The following MLLT10 variants were observed in gnomAD, a reference collection of about 807,000 sequenced individuals.
MLLT10 encodes protein AF-10.
Under a neutral mutation model 129.1 loss-of-function variants are expected in MLLT10, and 30 were observed. The observed-to-expected ratio is 0.23, with a 90% CI of 0.17 to 0.32. The LOEUF (loss-of-function observed/expected upper bound fraction) is 0.32, where lower values mean the gene tolerates loss of function less well. Among genes scored for constraint, MLLT10 ranks in the 10% least tolerant of loss-of-function variants. The pLI is 1.00. For synonymous variants in MLLT10, 490 were observed against 446.4 expected (o/e 1.10, Z -1.23); for missense variants, 1,119 against 1,268.3 (o/e 0.88, Z 1.79).
In MLLT10 at chr10:21,658,421, G is replaced by T. The variant is rs536388431; in HGVS notation, c.795+6653G>T. Among the ~76,000 whole-genome samples the T allele has an allele frequency of 1.6e-4, 25 of 152,164 alleles. No individual in the cohort carries two copies. In the South Asian group the frequency reaches 4.8e-3, roughly 29 times the overall value. On this transcript the variant is annotated intron_variant, in intron 9 of 22. Transcript: ENST00000307729. The stretch of plus-strand genomic sequence containing the variant: ...CATAATTATTTTAAGATTTTTTCTT[G>T]TTGTATGTTTTAATAGTTCATTTTT...
At chr10:21,720,563 A>C (rs959605443) in intron 14 of MLLT10, among the ~76,000 whole-genome samples, 1 of 152,244 alleles carries the variant, frequency 6.6e-6, no homozygotes, top group African/African-American at 2.4e-5. Flanking sequence ...CCAAATTCAA[A>C]CAATAATATA....
chr10:21,575,145 CT>C (rs1430254354), intron 3 of MLLT10, among the ~76,000 whole-genome samples: 6 of 151,924 alleles, frequency 3.9e-5, no homozygotes, highest in Admixed American at 2.0e-4. Context: ...TTACTTTACT[CT>C]TTTATATATA....
intron 5 of MLLT10, among the ~76,000 whole-genome samples, chr10:21,612,127 GC>G (rs1445681634): frequency 2.6e-5 from 4 of 152,040 alleles, no homozygotes; most frequent in Admixed American, 1.3e-4. Flanking sequence ...TGAAGATAAT[GC>G]CTTTGTGAAT....
At chr10:21,690,640 A>AT (rs1328661744) in intron 13 of MLLT10, among the ~76,000 whole-genome samples, 2 of 151,448 alleles carry the variant, frequency 1.3e-5, no homozygotes, top group African/African-American at 4.8e-5. Flanking sequence ...CTCCTCTTGT[A>AT]TTTTTTTGTC....
chr10:21,551,836 C>T (rs773058615), intron 3 of MLLT10: 11 of 413,780 alleles, frequency 2.7e-5, no homozygotes, highest in South Asian at 1.7e-4. Context: ...GCTCTGTTGC[C>T]CAGGCTAAAG....
chr10:21,548,397 G>A (rs1338284169), intron 3 of MLLT10, among the ~76,000 whole-genome samples: 1 of 145,204 alleles, frequency 6.9e-6, no homozygotes. Flanking sequence ...TTTTTGAGAC[G>A]GAGCCTCTGT....
intron 22 of MLLT10, among the ~76,000 whole-genome samples, chr10:21,740,788 A>G (rs1039458146): frequency 2.6e-5 from 4 of 152,228 alleles, no homozygotes; most frequent in African/African-American, 7.2e-5. Context: ...TTAAAAATGG[A>G]TGCAGGAACA....
intron 16 of MLLT10, among the ~76,000 whole-genome samples, chr10:21,730,096 C>G (rs574788044): frequency 6.6e-6 from 1 of 151,866 alleles, no homozygotes; most frequent in African/African-American, 2.4e-5. Context: ...GGTGAAACTC[C>G]GTCTCCCCTG....
At chr10:21,713,485 A>ATTCT (rs2056290333) in intron 13 of MLLT10, among the ~76,000 whole-genome samples, 1 of 152,272 alleles carries the variant, frequency 6.6e-6, no homozygotes. Flanking sequence ...TGCTCTTAGA[A>ATTCT]ACTCCTAAAA....
intron 22 of MLLT10, among the ~76,000 whole-genome samples, chr10:21,741,712 A>G (rs530333299): frequency 1.6e-4 from 24 of 152,322 alleles, no homozygotes; most frequent in African/African-American, 5.8e-4. Context: ...TCTGTCCCTC[A>G]GATGGGCCCA....
At chr10:21,620,180 G>A (rs986707745) in intron 8 of MLLT10, among the ~76,000 whole-genome samples, 1 of 151,884 alleles carries the variant, frequency 6.6e-6, no homozygotes, top group Non-Finnish European at 1.5e-5. Flanking sequence ...CACCTGCCTC[G>A]GCCTCCCAAA....
chr10:21,553,356 C>T (rs1032503520), intron 3 of MLLT10, among the ~76,000 whole-genome samples: 3 of 148,670 alleles, frequency 2.0e-5, no homozygotes, highest in Admixed American at 2.0e-4. Flanking sequence ...GAAGGAGTCT[C>T]ACTCTGTCAC....
intron 5 of MLLT10, among the ~76,000 whole-genome samples, chr10:21,606,888 A>G (rs913754347): frequency 2.0e-5 from 3 of 152,242 alleles, no homozygotes; most frequent in African/African-American, 7.2e-5. Context: ...GTTTTACTGT[A>G]GGTAAAATGC....
At chr10:21,579,260 G>T (rs1217473342) in intron 3 of MLLT10, among the ~76,000 whole-genome samples, 5 of 152,108 alleles carry the variant, frequency 3.3e-5, no homozygotes, top group Non-Finnish European at 7.4e-5. Flanking sequence ...TCTGTGTAAT[G>T]TGACATTTTC....
intron 8 of MLLT10, among the ~76,000 whole-genome samples, chr10:21,649,136 TATG>T (rs1589426004): frequency 6.6e-6 from 1 of 152,196 alleles, no homozygotes; most frequent in African/African-American, 2.4e-5. Context: ...AGTGCAGTGG[TATG>T]ATCACAGTTC....
At chr10:21,663,195 G>A (rs1261269362) in intron 9 of MLLT10, among the ~76,000 whole-genome samples, 4 of 152,170 alleles carry the variant, frequency 2.6e-5, no homozygotes, top group African/African-American at 7.2e-5. Context: ...AAAAGTGTGA[G>A]GGTCCCCCAA....
At chr10:21,717,519 A>ACCTCCTCCTCCT (rs1180960349) in intron 14 of MLLT10, among the ~76,000 whole-genome samples, 2 of 75,274 alleles carry the variant, frequency 2.7e-5, no homozygotes, top group African/African-American at 1.1e-4. Flanking sequence ...CTCCTCCACC[A>ACCTCCTCCTCCT]CCTCCTCCTC....
intron 8 of MLLT10, among the ~76,000 whole-genome samples, chr10:21,623,597 T>C (rs1275181007): frequency 1.3e-5 from 2 of 152,364 alleles, no homozygotes; most frequent in South Asian, 2.1e-4. Flanking sequence ...GAGTTTTATT[T>C]TCCTTCAGTA....
At chr10:21,634,781 A>C (rs1406903288) in intron 8 of MLLT10, among the ~76,000 whole-genome samples, 1 of 152,194 alleles carries the variant, frequency 6.6e-6, no homozygotes, top group East Asian at 1.9e-4. Context: ...TATTTTTTTA[A>C]GTTCACTGTG....
Sources: allele counts gnomAD v4.1 joint callset (sites outside exome capture counted in the v4.1 genomes callset), GRCh38; gene constraint gnomAD v4.1.1; transcripts MANE v1.5; gene names NCBI Gene and HGNC (gene_info 2026-07-23, HGNC 2026-07-21).